Variants in SYNE1 observed in about 807,000 individuals in gnomAD.
The protein encoded by SYNE1 is spectrin repeat containing nuclear envelope protein 1.
In SYNE1, 616 loss-of-function variants were observed where a neutral mutation model predicts 1,111.0. The ratio of observed to expected loss-of-function variants is 0.55; its 90% CI spans 0.52 to 0.59. The LOEUF (loss-of-function observed/expected upper bound fraction) is 0.59. Ranked by LOEUF, SYNE1 falls within the 20% of genes least tolerant of loss-of-function variation. The pLI is 0.00. For synonymous variants in SYNE1, 3,855 were observed against 3,825.8 expected, an observed-to-expected ratio of 1.01 and a Z score of -0.28; for missense variants, 10,006 against 10,417.0, an observed-to-expected ratio of 0.96 and a Z score of 1.72.
At position 152,449,594 on chromosome 6, in the gene SYNE1, T is replaced by G. The variant is rs1312962548; in HGVS notation, c.3443A>C (p.Lys1148Thr). ...ATCGATGGCCTCACCCTTGATCCCC[T>G]TTAATTGTGTCTCATTTGTAGATAT... ...SWISTNETQL[K>T]GIKGEAIDTA... The change falls in exon 28 of 146, where the codon AAG becomes ACG. Residue 1148 changes from lysine (K) to threonine (T), a missense_variant. Coordinates refer to ENST00000367255, the MANE Select transcript of SYNE1 (RefSeq NM_182961.4). 18 of 1,614,138 alleles carry G rather than the reference T, an allele frequency of 1.1e-5. No individual in the cohort carries two copies. Among genetic ancestry groups the G allele is most frequent in the Non-Finnish European group, 1.4e-5 (16 of 1,179,996 alleles).
chr6:152,298,868 T>A (rs1451638322), intron 93 of SYNE1, among the ~76,000 whole-genome samples: 1 of 152,208 alleles, frequency 6.6e-6, no homozygotes, highest in Non-Finnish European at 1.5e-5. Context: ...TTTTAACAGC[T>A]CCCTCAGAGT....
At chr6:152,490,664 T>G (rs1012375532) in intron 11 of SYNE1, among the ~76,000 whole-genome samples, 1 of 152,208 alleles carries the variant, frequency 6.6e-6, no homozygotes, top group Non-Finnish European at 1.5e-5. Flanking sequence ...GGACTCAGTC[T>G]GCCTGCACTT....
At chr6:152,289,918 G>A (rs1425664240) in intron 95 of SYNE1, among the ~76,000 whole-genome samples, 20 of 137,994 alleles carry the variant, frequency 1.4e-4, no homozygotes, top group East Asian at 6.8e-4. Context: ...GAGCTACCGC[G>A]CCCAGCCTTT....
chr6:152,629,004 A>T (rs988965625), intron 2 of SYNE1, among the ~76,000 whole-genome samples: 14 of 152,182 alleles, frequency 9.2e-5, no homozygotes, highest in African/African-American at 3.1e-4. Context: ...TGTTTCTCAT[A>T]CCAATTTGAT....
intron 128 of SYNE1, among the ~76,000 whole-genome samples, chr6:152,187,624 T>A (rs181655789): frequency 6.6e-6 from 1 of 152,286 alleles, no homozygotes; most frequent in Admixed American, 6.5e-5. Flanking sequence ...ACTCCCCTTT[T>A]CGAAACTCAA....
chr6:152,468,137 G>T (rs2098782414), intron 16 of SYNE1, among the ~76,000 whole-genome samples: 1 of 152,094 alleles, frequency 6.6e-6, no homozygotes. Flanking sequence ...TAACTTTAGT[G>T]TTAGTGACCG....
chr6:152,353,532 G>A (rs1371642827), intron 68 of SYNE1, 57 bp downstream of exon 68: 1 of 1,613,762 alleles, frequency 6.2e-7, no homozygotes. Context: ...TGAAAGGAAG[G>A]CTATTTTGGC....
chr6:152,386,907 C>G (rs1164068226), intron 54 of SYNE1, among the ~76,000 whole-genome samples, 165 bp downstream of exon 54: 1 of 152,136 alleles, frequency 6.6e-6, no homozygotes, highest in African/African-American at 2.4e-5. Context: ...ATGTCATACC[C>G]ATTTACTGAA....
Position 152,284,120 on chromosome 6 carries a change from G to A in SYNE1, c.18065C>T (p.Ser6022Phe). 1 of 1,614,188 alleles carries A rather than the reference G, an allele frequency of 6.2e-7. No homozygotes were observed. Among genetic ancestry groups the A allele is most frequent in the Non-Finnish European group, 8.5e-7 (1 of 1,180,036 alleles). Residue 6022 changes from serine (S) to phenylalanine (F), a missense_variant, in exon 96 of 146, where the codon TCC (serine) becomes TTC (phenylalanine). By Grantham distance (155) the Ser-to-Phe change is radical. Transcript: ENST00000367255. ...GGATACCAGCTCCTCTGCGAGAGAG[G>A]ACTGGAGCTCATTGATTTCATCCTG... ...MLQDEINELQSSLAEELVSES... is the reference protein window; with the variant it reads ...MLQDEINELQFSLAEELVSES...
rs192902954 is a variant in SYNE1 at position 152,292,134 on chromosome 6, C to T, written c.18012+1454G>A. 1.1e-3 allele frequency among the ~76,000 whole-genome samples: 163 copies of T among 152,278 alleles called. 1 individual carries two copies. The highest frequency in any genetic ancestry group is 3.8e-3 in the African/African-American group (157 of 41,562). On this transcript the variant is annotated intron_variant, in intron 95 of 145. Transcript: ENST00000367255. Reference sequence around the variant, plus strand: ...AGAGGTGGCCGCTGGCAACAGAAAACTGAAGTAGCAGCTAAAGAGAACTGG... The same window carrying T: ...AGAGGTGGCCGCTGGCAACAGAAAATTGAAGTAGCAGCTAAAGAGAACTGG...
chr6:152,161,654 C>A (rs117187721), intron 131 of SYNE1, among the ~76,000 whole-genome samples: 2,850 of 151,712 alleles, frequency 0.019, 88 homozygotes, highest in East Asian at 0.086. Context: ...ATGGTAGAAG[C>A]TTTCTTAAGT....
intron 4 of SYNE1, among the ~76,000 whole-genome samples, chr6:152,537,463 G>A (rs1415256109): frequency 1.3e-5 from 2 of 151,420 alleles, no homozygotes; most frequent in Non-Finnish European, 2.9e-5. Context: ...ATTAACAAAT[G>A]TAAAAAAGAA....
intron 83 of SYNE1, 140 bp downstream of exon 83, chr6:152,321,581 A>G (rs1351150045): frequency 1.6e-6 from 2 of 1,257,888 alleles, no homozygotes; most frequent in East Asian, 2.5e-5. Flanking sequence ...CCATGAAGTA[A>G]TACTAAATAT....
intron 3 of SYNE1, among the ~76,000 whole-genome samples, chr6:152,547,927 T>C (rs1490379401): frequency 6.6e-6 from 1 of 152,222 alleles, no homozygotes; most frequent in Non-Finnish European, 1.5e-5. Flanking sequence ...GATGTGTTAA[T>C]TGACTGTGGT....
chr6:152,255,780 T>A (rs1371611406), intron 102 of SYNE1, 34 bp from the exon 103 acceptor site: 1 of 1,613,244 alleles, frequency 6.2e-7, no homozygotes, highest in Admixed American at 1.7e-5. Context: ...AATAATCAAT[T>A]TCAGTGTTTT....
At chr6:152,476,002 G>C (rs920185501) in intron 14 of SYNE1, among the ~76,000 whole-genome samples, 2 of 152,178 alleles carry the variant, frequency 1.3e-5, no homozygotes, top group African/African-American at 4.8e-5. Context: ...CTCCTTCTCA[G>C]ACTTTTATTG....
intron 6 of SYNE1, among the ~76,000 whole-genome samples, chr6:152,515,989 C>T (rs958242428): frequency 1.3e-5 from 2 of 152,026 alleles, no homozygotes; most frequent in Admixed American, 1.3e-4. Context: ...AATAAATGTC[C>T]TGTTATCAAA....
chr6:152,342,542 G>C (rs947985378), intron 74 of SYNE1, among the ~76,000 whole-genome samples: 30 of 152,226 alleles, frequency 2.0e-4, no homozygotes, highest in Admixed American at 6.5e-5. Flanking sequence ...CCTTTAGAAA[G>C]TATACTTCGG....
chr6:152,182,957 C>T (rs1587095799), intron 128 of SYNE1, among the ~76,000 whole-genome samples: 2 of 146,174 alleles, frequency 1.4e-5, no homozygotes, highest in Admixed American at 1.4e-4. Context: ...TTTTTGGAGG[C>T]AGAATAATAC....
Sources: gnomAD v4.1 joint callset for allele counts (sites outside exome capture counted in the v4.1 genomes callset) on GRCh38, gnomAD v4.1.1 for gene constraint, MANE v1.5 for transcripts, NCBI Gene and HGNC (gene_info 2026-07-23, HGNC 2026-07-21) for gene names.